DNAH17: variants seen among roughly 807,000 people sequenced by gnomAD.
DNAH17 encodes axonemal beta dynein heavy chain 17.
In DNAH17, 376 loss-of-function variants were observed where a neutral mutation model predicts 485.6. The observed-to-expected ratio is 0.77, with a 90% CI of 0.71 to 0.84. The LOEUF is 0.84. Among genes scored for constraint, DNAH17 ranks in the 40% least tolerant of loss-of-function variants. The probability of loss-of-function intolerance (pLI) is 0.00; values close to 1 mark genes in which losing one functional copy is unlikely to be tolerated. For synonymous variants in DNAH17, 3,031 were observed against 2,405.9 expected (o/e 1.26, Z -7.60); for missense variants, 6,370 against 5,839.3 (o/e 1.09, Z -2.96).
chr17:78,463,211 C>T, intron 56 of DNAH17, 134 bp from the exon 57 acceptor site: 1 of 743,690 alleles, frequency 1.3e-6, no homozygotes, highest in Middle Eastern at 3.4e-4. Flanking sequence ...TTCAACTGCC[C>T]AAAGGGGCTC....
At position 78,484,915 on chromosome 17, in the gene DNAH17, C is replaced by T. The variant is rs772079244; in HGVS notation, c.7602G>A (p.Thr2534=). Reference sequence around the variant, plus strand: ...GCCGGATGAGGGTGTGCGGGGCCACCGTCCCATACTTGTCCACCTCGGGCA... The same window carrying T: ...GCCGGATGAGGGTGTGCGGGGCCACTGTCCCATACTTGTCCACCTCGGGCA... The part of the protein sequence containing the change: ...MNMPEVDKYG[T]VAPHTLIRQH... Residue 2534 remains threonine, a synonymous_variant, in exon 48 of 81, where the codon ACG becomes ACA. Coordinates refer to ENST00000389840, the MANE Select transcript of DNAH17 (RefSeq NM_173628.4). The T allele has an allele frequency of 1.3e-6, 2 of 1,599,348 alleles. No homozygotes were observed. Among genetic ancestry groups the T allele is most frequent in the Non-Finnish European group, 1.7e-6 (2 of 1,172,734 alleles).
rs1165727738 is a variant in DNAH17, at chr17:78,539,727, G to T, written c.2676+10C>A. ...ATACATAAATATATTACCTTATGTT[G>T]ATAACTTACATCTATAACCATGTTG... On this transcript the variant is annotated intron_variant, in intron 18 of 80. Transcript: ENST00000389840. The T allele has an allele frequency of 6.3e-7, 1 of 1,598,878 alleles. No individual in the cohort carries two copies. Among genetic ancestry groups the T allele is most frequent in the East Asian group, 2.2e-5 (1 of 44,696 alleles).
chr17:78,435,086 C>G (rs895991987), intron 74 of DNAH17, among the ~76,000 whole-genome samples: 7 of 152,322 alleles, frequency 4.6e-5, no homozygotes, highest in Admixed American at 2.0e-4. Flanking sequence ...CGAGTATCCC[C>G]TCCTGGCTGC....
At chr17:78,543,791 G>A (rs754484555) in intron 17 of DNAH17, 66 bp downstream of exon 17, 22 of 1,605,830 alleles carry the variant, frequency 1.4e-5, no homozygotes, top group African/African-American at 2.7e-5. Context: ...TCCAGCCCTG[G>A]GTTTACTCTC....
chr17:78,427,474 A>G (rs971655329), intron 77 of DNAH17, among the ~76,000 whole-genome samples: 2 of 152,220 alleles, frequency 1.3e-5, no homozygotes, highest in African/African-American at 4.8e-5. Flanking sequence ...TGTAGGGACC[A>G]TGCTGGTCAC....
At chr17:78,541,922 G>A (rs2091602170) in intron 17 of DNAH17, among the ~76,000 whole-genome samples, 1 of 152,108 alleles carries the variant, frequency 6.6e-6, no homozygotes, top group African/African-American at 2.4e-5. Context: ...GGGGAGGGAT[G>A]GGAACTGGGA....
At chr17:78,562,555 A>G (rs1190235490) in intron 11 of DNAH17, among the ~76,000 whole-genome samples, 3 of 152,178 alleles carry the variant, frequency 2.0e-5, no homozygotes, top group Non-Finnish European at 4.4e-5. Context: ...CCCAGAGGTC[A>G]AGGCTGCAGT....
At chr17:78,487,178 C>T (rs1208930415) in intron 44 of DNAH17, among the ~76,000 whole-genome samples, 1 of 152,182 alleles carries the variant, frequency 6.6e-6, no homozygotes, top group Non-Finnish European at 1.5e-5. Context: ...TGGGGCCTGA[C>T]TGCCCAGGCT....
intron 17 of DNAH17, 48 bp downstream of exon 17, chr17:78,543,809 T>G (rs372755708): frequency 6.2e-7 from 1 of 1,613,360 alleles, no homozygotes; most frequent in African/African-American, 1.3e-5. Context: ...CTCTCCTCCC[T>G]GCTAAAAGCA....
chr17:78,436,228 G>A (rs1465734324), intron 74 of DNAH17, among the ~76,000 whole-genome samples: 2 of 151,868 alleles, frequency 1.3e-5, no homozygotes, highest in East Asian at 1.9e-4. Flanking sequence ...GGAGTTTAAG[G>A]CCAGCGTGGC....
In DNAH17 at chr17:78,444,632, G is replaced by A; in HGVS notation, c.11500C>T (p.Arg3834Trp). Residue 3834 changes from arginine (R) to tryptophan (W), a missense_variant, in exon 71 of 81, where the codon CGG becomes TGG. Arg to Trp is a moderately radical substitution (Grantham distance 101). Coordinates refer to ENST00000389840, the MANE Select transcript of DNAH17 (RefSeq NM_173628.4). ...LQKLCMVRCL[R>W]PDRMTYAIKN... ...ATAGCGTAGGTCATGCGATCTGGCC[G>A]CAGGCAGCGCACCATGCACAGCTTC... 2.5e-6 allele frequency: 4 copies of A among 1,588,662 alleles called. No homozygotes were observed. The highest frequency in any genetic ancestry group is 3.4e-6 in the Non-Finnish European group (4 of 1,168,286).
intron 16 of DNAH17, among the ~76,000 whole-genome samples, chr17:78,549,805 C>T (rs1359472740): frequency 6.6e-6 from 1 of 152,138 alleles, no homozygotes; most frequent in Admixed American, 6.5e-5. Flanking sequence ...CCTGCTCGCT[C>T]CCCACCGCCC....
intron 75 of DNAH17, among the ~76,000 whole-genome samples, chr17:78,433,219 G>A (rs1239424103): frequency 2.0e-5 from 3 of 152,220 alleles, no homozygotes; most frequent in Admixed American, 1.3e-4. Context: ...TCAAAGCTTC[G>A]TAAGAACCGT....
chr17:78,543,057 G>GTACA (rs1190300048), intron 17 of DNAH17, among the ~76,000 whole-genome samples: 2 of 152,216 alleles, frequency 1.3e-5, no homozygotes, highest in Non-Finnish European at 2.9e-5. Flanking sequence ...GCTTGGAAGT[G>GTACA]TACAGCAAGG....
At chr17:78,540,423 G>GTGGATGGA (rs1249187767) in intron 17 of DNAH17, among the ~76,000 whole-genome samples, 9 of 53,134 alleles carry the variant, frequency 1.7e-4, no homozygotes, top group Admixed American at 6.1e-4. Flanking sequence ...GGGTGAGTGG[G>GTGGATGGA]TGGATGGATG....
Position 78,570,833 on chromosome 17 carries a change from G to C in DNAH17, c.918+115C>G, listed in dbSNP as rs538785616. The C allele has an allele frequency of 6.5e-5, 42 of 642,738 alleles. No homozygotes were observed. The African/African-American group carries it at 8.4e-4, about 13-fold the overall frequency. The allele number at this position is 642,738 out of a possible 1,614,324, so 39.8% of individuals were successfully genotyped here. On this transcript the variant is annotated intron_variant, in intron 6 of 80. Coordinates refer to ENST00000389840, the MANE Select transcript of DNAH17 (RefSeq NM_173628.4). ...AGATCGCGCCACAGCACTCTAGCCT[G>C]GTGACAGAGCGAGACTCCCTCTCAA...
chr17:78,454,829 G>C (rs553110284), intron 63 of DNAH17, 124 bp from the exon 64 acceptor site: 82 of 779,268 alleles, frequency 1.1e-4, no homozygotes, highest in Non-Finnish European at 1.6e-4. Flanking sequence ...GACGACCTGG[G>C]AGAAGCCAGC....
rs34251460 is a variant in DNAH17 at position 78,557,636 on chromosome 17, C to CAAAAAAAAAAAAAAAA, written c.2178+456_2178+471dup. On this transcript the variant is annotated intron_variant, in intron 14 of 80. Transcript: ENST00000389840. ...CCTGGGTGACAGAGTGAGACTGTCTCAAAAAAAAAAAAAAAAAAAAAAAAA... is the reference window on the plus strand; with the variant it reads ...CCTGGGTGACAGAGTGAGACTGTCTCAAAAAAAAAAAAAAAAAAAAAAAAAAAAAAAAAAAAAAAAA... 6.5e-4 allele frequency among the ~76,000 whole-genome samples: 19 copies of CAAAAAAAAAAAAAAAA among 29,036 alleles called. 1 individual carries two copies. The highest frequency in any genetic ancestry group is 3.3e-3 in the East Asian group (2 of 604). 19.0% of individuals were successfully genotyped at this position (29,036 alleles called of 152,430 possible).
intron 75 of DNAH17, among the ~76,000 whole-genome samples, chr17:78,431,457 C>CCCCGCCG (rs1003682284): frequency 6.7e-6 from 1 of 148,200 alleles, no homozygotes; most frequent in African/African-American, 2.6e-5. Context: ...AACCCCCCAC[C>CCCCGCCG]CCGAGACTCC....
Sources: gnomAD v4.1 joint callset for allele counts (sites outside exome capture counted in the v4.1 genomes callset) on GRCh38, gnomAD v4.1.1 for gene constraint, MANE v1.5 for transcripts, NCBI Gene and HGNC (gene_info 2026-07-23, HGNC 2026-07-21) for gene names.